KCNMA1: variants seen among roughly 807,000 people sequenced by gnomAD.
The protein encoded by KCNMA1 is Calcium-activated potassium channel subunit alpha-1.
A neutral mutation model predicts 140.0 loss-of-function variants in KCNMA1; 29 were observed. That is an observed-to-expected ratio of 0.21 (90% confidence interval 0.15 to 0.28). The LOEUF is 0.28. Among genes scored for constraint, KCNMA1 ranks in the 10% least tolerant of loss-of-function variants. The pLI is 1.00. For synonymous variants in KCNMA1, 612 were observed against 611.9 expected (o/e 1.00, Z 0.00); for missense variants, 880 against 1,602.2 (o/e 0.55, Z 7.70).
At chr10:76,995,336 C>T (rs1430100642) in intron 19 of KCNMA1, 1 of 248,036 alleles carries the variant, frequency 4.0e-6, no homozygotes, top group Non-Finnish European at 8.5e-6. Context: ...TAAGTTATGT[C>T]TCCCCAGACC....
At chr10:77,613,085 A>C (rs1310663807) in intron 1 of KCNMA1, among the ~76,000 whole-genome samples, 1 of 152,200 alleles carries the variant, frequency 6.6e-6, no homozygotes, top group Non-Finnish European at 1.5e-5. Context: ...GGCCCTCCCC[A>C]AAACCCCACC....
chr10:77,554,734 A>G (rs1336662856), intron 1 of KCNMA1, among the ~76,000 whole-genome samples: 1 of 152,212 alleles, frequency 6.6e-6, no homozygotes, highest in African/African-American at 2.4e-5. Context: ...GGAGCCCACA[A>G]ACTTTCCAAG....
At chr10:77,383,024 A>T (rs868353068) in intron 2 of KCNMA1, among the ~76,000 whole-genome samples, 2 of 128,002 alleles carry the variant, frequency 1.6e-5, no homozygotes, top group South Asian at 5.0e-4. Flanking sequence ...ATATATATAT[A>T]TATATTCCAA....
intron 2 of KCNMA1, among the ~76,000 whole-genome samples, chr10:77,293,324 T>C (rs2073936336): frequency 6.6e-6 from 1 of 152,208 alleles, no homozygotes; most frequent in Non-Finnish European, 1.5e-5. Context: ...AAGAGAGAGC[T>C]ACCCCTCCTA....
At chr10:77,512,852 G>C (rs534249642) in intron 1 of KCNMA1, among the ~76,000 whole-genome samples, 1 of 152,232 alleles carries the variant, frequency 6.6e-6, no homozygotes, top group Middle Eastern at 3.4e-3. Context: ...CGGTATATCC[G>C]ACTTGAGCCT....
intron 3 of KCNMA1, among the ~76,000 whole-genome samples, chr10:77,193,181 C>T (rs903659248): frequency 3.3e-5 from 5 of 152,094 alleles, no homozygotes; most frequent in African/African-American, 1.2e-4. Flanking sequence ...AGAGCACGTA[C>T]TTTTTCACTG....
intron 1 of KCNMA1, among the ~76,000 whole-genome samples, chr10:77,574,348 A>G (rs919042105): frequency 6.6e-6 from 1 of 152,110 alleles, no homozygotes; most frequent in African/African-American, 2.4e-5. Flanking sequence ...TACACAATGT[A>G]TGCTTTGCAC....
intron 1 of KCNMA1, among the ~76,000 whole-genome samples, chr10:77,481,666 T>C (rs2154531793): frequency 6.6e-6 from 1 of 151,670 alleles, no homozygotes; most frequent in South Asian, 2.1e-4. Context: ...TCCCAGCTAC[T>C]TGGGAGGCTG....
chr10:77,164,335 C>A (rs921676442), intron 5 of KCNMA1, among the ~76,000 whole-genome samples: 2 of 152,172 alleles, frequency 1.3e-5, no homozygotes, highest in African/African-American at 4.8e-5. Flanking sequence ...TGAACACACA[C>A]CAGCAGGAAG....
chr10:77,117,146 T>C (rs1350399280), intron 6 of KCNMA1, among the ~76,000 whole-genome samples: 2 of 152,182 alleles, frequency 1.3e-5, no homozygotes, highest in African/African-American at 4.8e-5. Flanking sequence ...AAAGGTGACA[T>C]AGTAGATGTA....
At chr10:76,919,327 T>A (rs2054330433) in intron 23 of KCNMA1, among the ~76,000 whole-genome samples, 1 of 152,114 alleles carries the variant, frequency 6.6e-6, no homozygotes, top group African/African-American at 2.4e-5. Flanking sequence ...ACAATAAAAA[T>A]AAAATAAATA....
chr10:77,468,799 A>G (rs2098089452), intron 1 of KCNMA1, among the ~76,000 whole-genome samples: 1 of 152,180 alleles, frequency 6.6e-6, no homozygotes, highest in African/African-American at 2.4e-5. Context: ...AGAAATGATA[A>G]TAGTCCCTTC....
chr10:77,005,077 A>C (rs977268835), intron 18 of KCNMA1, among the ~76,000 whole-genome samples: 2 of 152,166 alleles, frequency 1.3e-5, no homozygotes, highest in African/African-American at 4.8e-5. Context: ...ATTCTCAGAC[A>C]AGGTTTTCCC....
chr10:77,478,880 A>G (rs777046870), intron 1 of KCNMA1, among the ~76,000 whole-genome samples: 5 of 152,248 alleles, frequency 3.3e-5, no homozygotes, highest in South Asian at 2.1e-4. Flanking sequence ...AGATATAGTC[A>G]TTTAAAATAT....
intron 1 of KCNMA1, among the ~76,000 whole-genome samples, chr10:77,421,269 G>T (rs576978528): frequency 6.6e-6 from 1 of 152,164 alleles, no homozygotes; most frequent in Admixed American, 6.5e-5. Context: ...TCATATTTAA[G>T]ATCTCTCCCC....
intron 2 of KCNMA1, among the ~76,000 whole-genome samples, chr10:77,273,321 C>G (rs1468698081): frequency 6.6e-6 from 1 of 151,968 alleles, no homozygotes; most frequent in African/African-American, 2.4e-5. Context: ...AAGCTGAGTT[C>G]TTGAGTGATT....
chr10:77,162,374 AG>A (rs2098568305), intron 5 of KCNMA1, among the ~76,000 whole-genome samples: 1 of 152,244 alleles, frequency 6.6e-6, no homozygotes, highest in Admixed American at 6.5e-5. Flanking sequence ...TACTAGCTAG[AG>A]TTTAATAGAT....
intron 14 of KCNMA1, 38 bp downstream of exon 14, chr10:77,073,059 A>G: frequency 1.9e-6 from 3 of 1,602,274 alleles, no homozygotes; most frequent in South Asian, 2.2e-5. Context: ...GACAAATGGA[A>G]TCCCGAGCTA....
At chr10:77,491,895 C>T (rs1056633864) in intron 1 of KCNMA1, among the ~76,000 whole-genome samples, 22 of 152,290 alleles carry the variant, frequency 1.4e-4, no homozygotes, top group African/African-American at 4.6e-4. Flanking sequence ...GTGACATAAA[C>T]AGCAGCTGAA....
Sources: allele counts gnomAD v4.1 joint callset (sites outside exome capture counted in the v4.1 genomes callset), GRCh38; gene constraint gnomAD v4.1.1; transcripts MANE v1.5; gene names NCBI Gene and HGNC (gene_info 2026-07-23, HGNC 2026-07-21).